Variants in SORCS3 observed in about 807,000 individuals in gnomAD.
SORCS3 encodes the protein VPS10 domain-containing receptor SorCS3.
SORCS3 carries 57 observed loss-of-function variants against 146.3 expected under a neutral mutation model. The ratio of observed to expected loss-of-function variants is 0.39; its 90% CI spans 0.31 to 0.49. The LOEUF is 0.49. SORCS3 is among the 20% of genes least tolerant of loss of function. The probability of loss-of-function intolerance (pLI) is 0.92; values close to 1 mark genes in which losing one functional copy is unlikely to be tolerated. For synonymous variants in SORCS3, 653 were observed against 618.5 expected (o/e 1.06, Z -0.83); for missense variants, 1,341 against 1,575.5 (o/e 0.85, Z 2.52).
intron 2 of SORCS3, among the ~76,000 whole-genome samples, chr10:104,894,862 A>G (rs1490950814): frequency 6.6e-6 from 1 of 152,188 alleles, no homozygotes; most frequent in African/African-American, 2.4e-5. Context: ...TTTAGTTAGC[A>G]TCCTGGAATT....
rs2056081892 is a variant in SORCS3 at position 105,139,621 on chromosome 10, CGT to C, written c.1302+136_1302+137del. 10 of 634,440 alleles carry C rather than the reference CGT, an allele frequency of 1.6e-5. No individual in the cohort carries two copies. The Admixed American group carries it at 1.7e-4, about 11-fold the overall frequency. 39.3% of individuals were successfully genotyped at this position (634,440 alleles called of 1,614,324 possible). On this transcript the variant is annotated intron_variant, in intron 8 of 26. Coordinates refer to ENST00000369701, the MANE Select transcript of SORCS3 (RefSeq NM_014978.3). The stretch of plus-strand genomic sequence containing the variant: ...CATTTAGACTCACTCACCACCAAGT[CGT>C]TTGGCCTCCCTTAGTGGTGCACAAC...
intron 1 of SORCS3, among the ~76,000 whole-genome samples, chr10:104,790,562 TC>T (rs1421871419): frequency 7.9e-5 from 12 of 152,174 alleles, no homozygotes; most frequent in African/African-American, 2.9e-4. Context: ...TGAAAACAAA[TC>T]TCTCTCCAAG....
At chr10:105,025,290 GA>G (rs2055221171) in intron 4 of SORCS3, among the ~76,000 whole-genome samples, 1 of 152,178 alleles carries the variant, frequency 6.6e-6, no homozygotes, top group Non-Finnish European at 1.5e-5. Flanking sequence ...CTGGAGGCAA[GA>G]TCAGCTGGTA....
At chr10:104,911,474 C>T (rs541979957) in intron 2 of SORCS3, among the ~76,000 whole-genome samples, 1 of 152,272 alleles carries the variant, frequency 6.6e-6, no homozygotes, top group East Asian at 1.9e-4. Context: ...TGATGATCAG[C>T]GTACTATCTT....
intron 5 of SORCS3, among the ~76,000 whole-genome samples, chr10:105,086,981 TGCCCATGCCTATGTCCTG>T (rs67271133): frequency 0.54 from 81,688 of 151,768 alleles, 22,219 homozygotes; most frequent in African/African-American, 0.57. Flanking sequence ...ATGAAGTCTT[TGCCCATGCCTATGTCCTG>T]GCCCATGCCT....
At chr10:104,864,262 A>AT (rs1203119920) in intron 2 of SORCS3, among the ~76,000 whole-genome samples, 4 of 151,964 alleles carry the variant, frequency 2.6e-5, no homozygotes, top group African/African-American at 9.7e-5. Flanking sequence ...TTTTAAAAAG[A>AT]TTTTTCTCTG....
intron 1 of SORCS3, among the ~76,000 whole-genome samples, chr10:104,663,277 T>A (rs2015725776): frequency 6.6e-6 from 1 of 152,196 alleles, no homozygotes; most frequent in Non-Finnish European, 1.5e-5. Flanking sequence ...AACTGCTGTC[T>A]ATCGCCTTTC....
At chr10:104,703,149 A>G (rs542185962) in intron 1 of SORCS3, among the ~76,000 whole-genome samples, 66 of 152,318 alleles carry the variant, frequency 4.3e-4, no homozygotes, top group African/African-American at 1.5e-3. Context: ...TAAGAAGTTG[A>G]AGTCTCAAGA....
chr10:104,915,751 AGGGAGAACCTGGCTTCCCT>A (rs1339941562), intron 2 of SORCS3, 63 bp from the exon 3 acceptor site: 1 of 1,149,930 alleles, frequency 8.7e-7, no homozygotes, highest in African/African-American at 1.5e-5. Flanking sequence ...TGGTCGGTCG[AGGGAGAACCTGGCTTCCCT>A]TTAGACATAG....
chr10:104,748,464 G>A (rs552955822), intron 1 of SORCS3, among the ~76,000 whole-genome samples: 17 of 152,220 alleles, frequency 1.1e-4, no homozygotes, highest in Middle Eastern at 3.4e-3. Context: ...AGGAAGAAAA[G>A]AAAATTTAAT....
At chr10:104,676,645 T>A (rs2133261505) in intron 1 of SORCS3, among the ~76,000 whole-genome samples, 1 of 152,328 alleles carries the variant, frequency 6.6e-6, no homozygotes, top group South Asian at 2.1e-4. Context: ...CTTCTGAGAA[T>A]CAGAGCTTAT....
intron 7 of SORCS3, among the ~76,000 whole-genome samples, chr10:105,137,702 C>T (rs2056068367): frequency 6.6e-6 from 1 of 152,116 alleles, no homozygotes; most frequent in African/African-American, 2.4e-5. Context: ...ATTCTTGATC[C>T]CCAACTCAGA....
chr10:104,887,417 G>A (rs1468561909), intron 2 of SORCS3, among the ~76,000 whole-genome samples: 1 of 152,184 alleles, frequency 6.6e-6, no homozygotes, highest in Non-Finnish European at 1.5e-5. Context: ...TTGCTGGCAT[G>A]GAGTGGGAGT....
At chr10:105,226,523 T>A (rs1207968464) in intron 20 of SORCS3, among the ~76,000 whole-genome samples, 1 of 152,010 alleles carries the variant, frequency 6.6e-6, no homozygotes, top group Non-Finnish European at 1.5e-5. Flanking sequence ...TTTTCTTTTT[T>A]TGTTGAGTTC....
At chr10:105,136,883 A>G (rs2056062459) in intron 7 of SORCS3, among the ~76,000 whole-genome samples, 1 of 152,138 alleles carries the variant, frequency 6.6e-6, no homozygotes. Context: ...TAAACATTTA[A>G]AGTATAATTT....
intron 9 of SORCS3, among the ~76,000 whole-genome samples, chr10:105,150,894 G>A (rs765605016): frequency 2.6e-5 from 4 of 152,090 alleles, no homozygotes; most frequent in South Asian, 2.1e-4. Flanking sequence ...TGTACCATAC[G>A]GCCAGTTAGC....
chr10:104,908,478 A>C (rs1437466541), intron 2 of SORCS3, among the ~76,000 whole-genome samples: 1 of 152,168 alleles, frequency 6.6e-6, no homozygotes, highest in Non-Finnish European at 1.5e-5. Flanking sequence ...GTATCTTATT[A>C]CTCTTCATTG....
At chr10:104,741,856 G>A (rs775208576) in intron 1 of SORCS3, among the ~76,000 whole-genome samples, 8 of 150,924 alleles carry the variant, frequency 5.3e-5, no homozygotes, top group Non-Finnish European at 7.4e-5. Flanking sequence ...TGTTTCAAGC[G>A]TATGCATAAT....
At chr10:105,257,017 T>C (rs1239626805) in intron 25 of SORCS3, 93 bp downstream of exon 25, 1 of 900,896 alleles carries the variant, frequency 1.1e-6, no homozygotes, top group African/African-American at 1.6e-5. Flanking sequence ...ATCGCAAGAA[T>C]GTGATTTTTA....
Sources: gnomAD v4.1 joint callset for allele counts (sites outside exome capture counted in the v4.1 genomes callset) on GRCh38, gnomAD v4.1.1 for gene constraint, MANE v1.5 for transcripts, NCBI Gene and HGNC (gene_info 2026-07-23, HGNC 2026-07-21) for gene names.